Variants in PCNX3 observed in about 807,000 individuals in gnomAD.
The protein encoded by PCNX3 is pecanex 3.
PCNX3 carries 58 observed loss-of-function variants against 207.2 expected under a neutral mutation model. That is an observed-to-expected ratio of 0.28 (90% CI 0.23 to 0.35). PCNX3 has a LOEUF of 0.35. Among genes scored for constraint, PCNX3 ranks in the 10% least tolerant of loss-of-function variants. The probability of loss-of-function intolerance (pLI) is 1.00; values close to 1 mark genes in which losing one functional copy is unlikely to be tolerated. For missense variants in PCNX3, 2,410 were observed against 2,774.4 expected (o/e 0.87, Z 2.95); for synonymous variants, 1,337 against 1,183.5 (o/e 1.13, Z -2.66).
chr11:65,620,435 T>G lies in PCNX3; in HGVS notation c.2099+6T>G, dbSNP rs1375635782. 6.2e-7 allele frequency: 1 copy of G among 1,610,638 alleles called. No individual in the cohort carries two copies. Among genetic ancestry groups the G allele is most frequent in the Non-Finnish European group, 8.5e-7 (1 of 1,178,838 alleles). On this transcript the variant is annotated splice_donor_region_variant and intron_variant, in intron 9 of 34. Transcript: ENST00000355703. The stretch of plus-strand genomic sequence containing the variant: ...CAGACAGCTAATGGAGCCTGGTGAG[T>G]TCCCAAGCCTGGCCTCCCAAGCCAT...
Position 65,619,742 on chromosome 11 carries a change from G to C in PCNX3, c.1830-12G>C, listed in dbSNP as rs1215398925. The C allele has an allele frequency of 3.8e-6, 6 of 1,563,152 alleles. No individual in the cohort carries two copies. Among genetic ancestry groups the C allele is most frequent in the Non-Finnish European group, 5.2e-6 (6 of 1,161,366 alleles). On this transcript the variant is annotated splice_polypyrimidine_tract_variant and intron_variant, in intron 7 of 34. Transcript: ENST00000355703. ...CTCTAGCTGGCGCTGACCTGGGGCT[G>C]ACCCTCTCCAGCAGCCTGCAGGAAG...
At position 65,627,055 on chromosome 11, in the gene PCNX3, A is replaced by AC; in HGVS notation, c.3524+9dup. ...CGGACAAGTACTGCTTCTAGTGAGG[A>AC]CCACCCCACCCTCAACGATCCCATC... On this transcript the variant is annotated splice_region_variant and intron_variant, in intron 21 of 34. Transcript: ENST00000355703. 6.7e-7 allele frequency: 1 copy of AC among 1,491,920 alleles called. No homozygotes were observed. The highest frequency in any genetic ancestry group is 1.3e-5 in the South Asian group (1 of 76,362). 92.4% of individuals were successfully genotyped at this position (1,491,920 alleles called of 1,614,324 possible).
intron 27 of PCNX3, 28 bp from the exon 28 acceptor site, chr11:65,634,088 CCGGGACCCCG>C: frequency 6.4e-7 from 1 of 1,568,630 alleles, no homozygotes; most frequent in Non-Finnish European, 8.7e-7. Context: ...GTGGCCAGGG[CCGGGACCCCG>C]GCCTGACGCC....
At position 65,625,471 on chromosome 11, in the gene PCNX3, GC is replaced by G; in HGVS notation, c.3101del (p.Pro1034ArgfsTer21). On this transcript the variant is annotated frameshift_variant, in exon 18 of 35. Transcript: ENST00000355703. LOFTEE classifies it high-confidence loss of function. This position sits in a 1 kb window ranked among gnomAD's most constrained non-coding sequence, Gnocchi z 5.6. Reference protein sequence around the residue: ...ERSLETARAEPPDPLPDKMRQ... With the variant: ...ERSLETARAEXPDPLPDKMRQ... ...GCAGCTTGGAGACAGCCCGGGCCGA[GC>G]CCCCGGACCCCTTGCCGGACAAGAT... 1.3e-6 allele frequency: 2 copies of G among 1,501,906 alleles called. No homozygotes were observed. The allele number at this position is 1,501,906 out of a possible 1,614,324, so 93.0% of individuals were successfully genotyped here.
rs757539386 is a variant in PCNX3 at position 65,617,963 on chromosome 11, C to G, written c.601C>G (p.Pro201Ala). 4 of 1,594,276 alleles carry G rather than the reference C, an allele frequency of 2.5e-6. No individual in the cohort carries two copies. Among genetic ancestry groups the G allele is most frequent in the Non-Finnish European group, 3.4e-6 (4 of 1,170,216 alleles). The change falls in exon 6 of 35, where the codon CCA becomes GCA. Residue 201 changes from proline (P) to alanine (A), a missense_variant. Physicochemically the swap from Pro to Ala is conservative, Grantham distance 27. This residue lies in a region of PCNX3 where 1,104 missense variants were observed against 970.3 expected (regional missense o/e 1.14). Coordinates refer to ENST00000355703, the MANE Select transcript of PCNX3 (RefSeq NM_032223.4). Reference protein sequence around the residue: ...KLIGDLPQTPPGAVPDPSLAS... With the variant: ...KLIGDLPQTPAGAVPDPSLAS... Reference sequence around the variant, plus strand: ...AGTTGGAGACCTTCCCCAGACGCCTCCAGGGGCTGTCCCAGACCCCTCTCT... The same window carrying G: ...AGTTGGAGACCTTCCCCAGACGCCTGCAGGGGCTGTCCCAGACCCCTCTCT...
chr11:65,629,399 G>C lies in PCNX3; in HGVS notation c.3984G>C (p.Gln1328His). The change falls in exon 25 of 35, where the codon CAG becomes CAC. Residue 1328 changes from glutamine (Q) to histidine (H), a missense_variant. Gln to His is a conservative substitution (Grantham distance 24). Coordinates refer to ENST00000355703, the MANE Select transcript of PCNX3 (RefSeq NM_032223.4). Reference protein sequence around the residue: ...VDHSNTRLVTQLDRNPGADDN... With the variant: ...VDHSNTRLVTHLDRNPGADDN... ...ATTCCAACACCCGCCTGGTCACACA[G>C]CTGGACAGGAACCCTGGTGTGTACC... 1 of 1,612,318 alleles carries C rather than the reference G, an allele frequency of 6.2e-7. No individual in the cohort carries two copies. The highest frequency in any genetic ancestry group is 2.2e-5 in the East Asian group (1 of 44,822).
intron 26 of PCNX3, 29 bp downstream of exon 26, chr11:65,629,764 C>T (rs371921376): frequency 9.2e-5 from 142 of 1,545,122 alleles, no homozygotes; most frequent in Non-Finnish European, 1.2e-4. Context: ...CTCGGGTGGG[C>T]AGGCACAGCT....
In PCNX3 at chr11:65,620,419, A is replaced by G. The variant is rs573132608; in HGVS notation, c.2089A>G (p.Asn697Asp). ...PVGQQGEQTANGAWDRHSHSS... is the reference protein window; with the variant it reads ...PVGQQGEQTADGAWDRHSHSS... ...AGGGCAGCAAGGGGAGCAGACAGCT[A>G]ATGGAGCCTGGTGAGTTCCCAAGCC... The change falls in exon 9 of 35, where the codon AAT becomes GAT. Residue 697 changes from asparagine (N) to aspartate (D), a missense_variant. By Grantham distance (23) the Asn-to-Asp change is conservative. Transcript: ENST00000355703. The G allele has an allele frequency of 3.7e-6, 6 of 1,612,900 alleles. No individual in the cohort carries two copies. Among genetic ancestry groups the G allele is most frequent in the Middle Eastern group, 1.7e-4 (1 of 6,058 alleles).
At position 65,617,960 on chromosome 11, in the gene PCNX3, C is replaced by A. The variant is rs1854837768; in HGVS notation, c.598C>A (p.Pro200Thr). ...GGCAGTTGGAGACCTTCCCCAGACG[C>A]CTCCAGGGGCTGTCCCAGACCCCTC... ...EKLIGDLPQT[P>T]PGAVPDPSLA... The change falls in exon 6 of 35, where the codon CCT becomes ACT. Residue 200 changes from proline to threonine, a missense_variant. Coordinates refer to ENST00000355703, the MANE Select transcript of PCNX3 (RefSeq NM_032223.4). 2 of 1,586,152 alleles carry A rather than the reference C, an allele frequency of 1.3e-6. No individual in the cohort carries two copies. Among genetic ancestry groups the A allele is most frequent in the South Asian group, 2.3e-5 (2 of 88,816 alleles).
Position 65,634,610 on chromosome 11 carries a change from C to T in PCNX3, c.4774C>T (p.Leu1592=). 6.2e-7 allele frequency: 1 copy of T among 1,602,340 alleles called. No individual in the cohort carries two copies. Among genetic ancestry groups the T allele is most frequent in the Middle Eastern group, 1.7e-4 (1 of 5,978 alleles). Residue 1592 remains leucine, a synonymous_variant, in exon 29 of 35, where the codon CTG becomes TTG. Coordinates refer to ENST00000355703, the MANE Select transcript of PCNX3 (RefSeq NM_032223.4). The stretch of plus-strand genomic sequence containing the variant: ...CCTGTGTGTGCTGGGCCGCCGGGCC[C>T]TGGGGACAGCCTCTCACAGCATGTC... ...FGLCVLGRRA[L]GTASHSMSAS... is the part of the protein sequence containing the mutation.
rs1294105116 is a variant in PCNX3, at chr11:65,625,727, G to A, written c.3211G>A (p.Val1071Ile). ...CACCTTCGCCATCAGCGCCAGCACC[G>A]TCTTTATTGCCCTGAAGGTTTGTGT... ...VLTFAISAST[V>I]FIALKSVLGF... is the part of the protein sequence containing the mutation. The change falls in exon 19 of 35, where the codon GTC (valine) becomes ATC (isoleucine). Residue 1071 changes from valine to isoleucine, a missense_variant. Coordinates refer to ENST00000355703, the MANE Select transcript of PCNX3 (RefSeq NM_032223.4). This position sits in a 1 kb window ranked among gnomAD's most constrained non-coding sequence, Gnocchi z 5.6. The A allele has an allele frequency of 8.1e-6, 13 of 1,610,064 alleles. No individual in the cohort carries two copies. The highest frequency in any genetic ancestry group is 1.0e-5 in the Non-Finnish European group (12 of 1,179,630).
Position 65,636,454 on chromosome 11 carries a change from C to T in PCNX3, c.5657C>T (p.Ser1886Phe). 7 of 1,558,622 alleles carry T rather than the reference C, an allele frequency of 4.5e-6. No homozygotes were observed. The highest frequency in any genetic ancestry group is 6.1e-6 in the Non-Finnish European group (7 of 1,154,278). Residue 1886 changes from serine (S) to phenylalanine (F), a missense_variant, in exon 34 of 35, where the codon TCT becomes TTT. Physicochemically the swap from Ser to Phe is radical, Grantham distance 155 (BLOSUM62 -2). This residue lies in a region of PCNX3 where 278 missense variants were observed against 245.1 expected (regional missense o/e 1.13). Transcript: ENST00000355703. ...GWGPRSSLSG[S>F]GDGRPPPLLQ... The stretch of plus-strand genomic sequence containing the variant: ...GGGCCGCGGTCCTCCCTGAGTGGCT[C>T]TGGTGATGGGCGGCCCCCACCTCTG...
chr11:65,629,153 C>A (rs1855519582), intron 24 of PCNX3, among the ~76,000 whole-genome samples: 1 of 152,210 alleles, frequency 6.6e-6, no homozygotes, highest in Non-Finnish European at 1.5e-5. Context: ...ATAGTGGGGT[C>A]TGGGGATGAG....
chr11:65,634,496 A>G (rs961992247), intron 28 of PCNX3, 42 bp from the exon 29 acceptor site: 9 of 1,547,452 alleles, frequency 5.8e-6, no homozygotes, highest in South Asian at 1.2e-5. Context: ...TCCCTGTCCC[A>G]GGTCTGAGCT....
At chr11:65,633,498 G>A (rs979564513) in intron 27 of PCNX3, among the ~76,000 whole-genome samples, 1 of 152,184 alleles carries the variant, frequency 6.6e-6, no homozygotes, top group African/African-American at 2.4e-5. Flanking sequence ...GGGAAGGTCC[G>A]GGGTTCAGGC....
Position 65,635,089 on chromosome 11 carries a change from C to T in PCNX3, c.4922C>T (p.Pro1641Leu). The part of the protein sequence containing the change: ...DMDLLHRVVA[P>L]GVRMALKLHQ... ...GACCTGCTTCACCGCGTTGTGGCGCCTGGGGTTCGCATGGCCCTCAAGCTT... is the reference window on the plus strand; with the variant it reads ...GACCTGCTTCACCGCGTTGTGGCGCTTGGGGTTCGCATGGCCCTCAAGCTT... The change falls in exon 30 of 35, where the codon CCT becomes CTT. Residue 1641 changes from proline (P) to leucine (L), a missense_variant. Physicochemically the swap from Pro to Leu is moderately conservative, Grantham distance 98. This residue lies in a region of PCNX3 where 420 missense variants were observed against 705.3 expected (regional missense o/e 0.60). Coordinates refer to ENST00000355703, the MANE Select transcript of PCNX3 (RefSeq NM_032223.4). This position sits in a 1 kb window ranked among gnomAD's most constrained non-coding sequence, Gnocchi z 9.9. 3 of 1,613,766 alleles carry T rather than the reference C, an allele frequency of 1.9e-6. No homozygotes were observed. The highest frequency in any genetic ancestry group is 2.5e-6 in the Non-Finnish European group (3 of 1,179,804).
In PCNX3 at chr11:65,618,631, C is replaced by CA. The variant is rs1357224034; in HGVS notation, c.1270dup (p.Thr424AsnfsTer2). On this transcript the variant is annotated frameshift_variant, in exon 6 of 35. Transcript: ENST00000355703. LOFTEE classifies it high-confidence loss of function. ...GTGGGGGCTTCTTTGAGGATGAAGACACTAGTGAGGGCAGTGAACTGAGCC... is the reference window on the plus strand; with the variant it reads ...GTGGGGGCTTCTTTGAGGATGAAGACAACTAGTGAGGGCAGTGAACTGAGCC... The CA allele has an allele frequency of 1.2e-6, 2 of 1,612,884 alleles. No homozygotes were observed. Among genetic ancestry groups the CA allele is most frequent in the Non-Finnish European group, 1.7e-6 (2 of 1,179,846 alleles).
chr11:65,628,864 C>A lies in PCNX3; in HGVS notation c.3857C>A (p.Ser1286Tyr). 6.2e-7 allele frequency: 1 copy of A among 1,612,684 alleles called. No homozygotes were observed. Residue 1286 changes from serine (S) to tyrosine (Y), a missense_variant, in exon 24 of 35, where the codon TCC becomes TAC. Coordinates refer to ENST00000355703, the MANE Select transcript of PCNX3 (RefSeq NM_032223.4). ...CAGGCCCTGCTCTCGGGGCTCTTCT[C>A]CACGCCTCTCAACCCACTGCTAGGC... ...FVQALLSGLFSTPLNPLLGSA... is the reference protein window; with the variant it reads ...FVQALLSGLFYTPLNPLLGSA...
intron 10 of PCNX3, 35 bp downstream of exon 10, chr11:65,621,001 G>A: frequency 6.7e-7 from 1 of 1,496,640 alleles, no homozygotes; most frequent in Non-Finnish European, 8.9e-7. Context: ...GTGCCAGTGG[G>A]GCGTGACGGG....
Sources: gnomAD v4.1 joint callset for allele counts (sites outside exome capture counted in the v4.1 genomes callset) on GRCh38, gnomAD v4.1.1 for gene constraint, gnomAD v4.1.1 regional missense constraint, Gnocchi (gnomAD v3.1) non-coding constraint, MANE v1.5 for transcripts, NCBI Gene and HGNC (gene_info 2026-07-23, HGNC 2026-07-21) for gene names.